ADAM10: variants seen among roughly 807,000 people sequenced by gnomAD.
ADAM10 encodes disintegrin and metalloproteinase domain-containing protein 10.
In ADAM10, 17 loss-of-function variants were observed where a neutral mutation model predicts 90.1. The observed-to-expected ratio is 0.19, with a 90% CI of 0.13 to 0.28. ADAM10 has a LOEUF of 0.28. Ranked by LOEUF, ADAM10 falls within the 10% of genes least tolerant of loss-of-function variation. The pLI is 1.00. For synonymous variants in ADAM10, 310 were observed against 298.6 expected (o/e 1.04, Z -0.40); for missense variants, 610 against 914.3 (o/e 0.67, Z 4.29).
intron 1 of ADAM10, among the ~76,000 whole-genome samples, chr15:58,738,224 AACTACATGTC>A (rs1297100469): frequency 2.0e-5 from 3 of 152,346 alleles, no homozygotes; most frequent in African/African-American, 7.2e-5. Context: ...CTGAGTCATC[AACTACATGTC>A]ATAGGCATCA....
At chr15:58,651,753 C>T (rs769872097) in intron 5 of ADAM10, among the ~76,000 whole-genome samples, 10 of 151,958 alleles carry the variant, frequency 6.6e-5, no homozygotes, top group Non-Finnish European at 1.3e-4. Context: ...TGTATCTCTT[C>T]GGGTAGATGT....
chr15:58,705,829 T>C (rs1898269278), intron 2 of ADAM10, among the ~76,000 whole-genome samples: 3 of 152,224 alleles, frequency 2.0e-5, no homozygotes, highest in Admixed American at 2.0e-4. Flanking sequence ...GACAGTAACA[T>C]ATTTTGAGAG....
At chr15:58,643,833 A>G (rs1896477600) in intron 7 of ADAM10, 53 bp downstream of exon 7, 1 of 1,297,620 alleles carries the variant, frequency 7.7e-7, no homozygotes, top group Middle Eastern at 1.9e-4. Flanking sequence ...GTGTGTAAAC[A>G]TAGTCTGGAC....
intron 1 of ADAM10, among the ~76,000 whole-genome samples, chr15:58,742,672 A>C (rs1441637823): frequency 6.6e-6 from 1 of 152,226 alleles, no homozygotes; most frequent in Non-Finnish European, 1.5e-5. Flanking sequence ...TCCAAGTGGT[A>C]GGGTTATTAT....
intron 1 of ADAM10, among the ~76,000 whole-genome samples, chr15:58,718,500 C>T (rs1170784000): frequency 1.3e-5 from 2 of 152,124 alleles, no homozygotes; most frequent in Non-Finnish European, 2.9e-5. Context: ...AGAAGTATTA[C>T]CTCTTCTTCA....
chr15:58,620,592 T>C (rs1263559067), intron 11 of ADAM10, among the ~76,000 whole-genome samples: 1 of 152,080 alleles, frequency 6.6e-6, no homozygotes, highest in Non-Finnish European at 1.5e-5. Context: ...TAACTAAATA[T>C]TTAAAGTTAA....
At chr15:58,722,250 G>A (rs889706853) in intron 1 of ADAM10, among the ~76,000 whole-genome samples, 1 of 151,984 alleles carries the variant, frequency 6.6e-6, no homozygotes, top group Non-Finnish European at 1.5e-5. Context: ...GCTGAGGCAG[G>A]AGAATCACTT....
chr15:58,732,426 A>C (rs1457949642), intron 1 of ADAM10: 4 of 152,212 alleles, frequency 2.6e-5, no homozygotes, highest in Non-Finnish European at 5.9e-5. Context: ...ATGAGCTTAA[A>C]GCCAGGCATG....
Position 58,599,619 on chromosome 15 carries a change from G to C in ADAM10, c.2131C>G (p.Pro711Ala). 1.2e-6 allele frequency: 2 copies of C among 1,613,336 alleles called. No individual in the cohort carries two copies. The highest frequency in any genetic ancestry group is 1.7e-6 in the Non-Finnish European group (2 of 1,179,638). The change falls in exon 15 of 16, where the codon CCT becomes GCT. Residue 711 changes from proline (P) to alanine (A), a missense_variant. Physicochemically the swap from Pro to Ala is conservative, Grantham distance 27. Coordinates refer to ENST00000260408, the MANE Select transcript of ADAM10 (RefSeq NM_001110.4). ...VHTPSSNPKL[P>A]PPKPLPGTLK... is the part of the protein sequence containing the mutation. ...TTACCTGGAAGTGGTTTAGGAGGAG[G>C]CAACTTTGGATTACTACTTGGAGTA...
chr15:58,659,178 C>T (rs1896908552), intron 5 of ADAM10, among the ~76,000 whole-genome samples: 1 of 151,852 alleles, frequency 6.6e-6, no homozygotes, highest in African/African-American at 2.4e-5. Context: ...GAAGCTGAGG[C>T]AGGAGAATCA....
chr15:58,650,685 C>T (rs1321547371), intron 5 of ADAM10, among the ~76,000 whole-genome samples: 1 of 152,010 alleles, frequency 6.6e-6, no homozygotes, highest in African/African-American at 2.4e-5. Context: ...AAATCTTGGC[C>T]GCGTACTACT....
intron 11 of ADAM10, among the ~76,000 whole-genome samples, chr15:58,614,753 C>G (rs1895553565): frequency 6.6e-6 from 1 of 152,046 alleles, no homozygotes; most frequent in Non-Finnish European, 1.5e-5. Flanking sequence ...ATTCCTGCAC[C>G]TGGAAGCAAA....
At chr15:58,669,631 C>T (rs181028736) in intron 4 of ADAM10, among the ~76,000 whole-genome samples, 6 of 152,178 alleles carry the variant, frequency 3.9e-5, no homozygotes, top group Non-Finnish European at 5.9e-5. Flanking sequence ...TTATTTCATC[C>T]CCTTGCCTCT....
intron 1 of ADAM10, among the ~76,000 whole-genome samples, chr15:58,736,981 A>G (rs528849348): frequency 2.6e-5 from 4 of 152,174 alleles, no homozygotes; most frequent in African/African-American, 7.2e-5. Context: ...ACTAAGTAAT[A>G]CCAAAAAATC....
In ADAM10 at chr15:58,632,892, T is replaced by C. The variant is rs140524207; in HGVS notation, c.1176+304A>G. Among the ~76,000 whole-genome samples the C allele has an allele frequency of 2.0e-3, 301 of 152,310 alleles. 1 individual carries two copies. The highest frequency in any genetic ancestry group is 6.8e-3 in the African/African-American group (281 of 41,588). ...AATAATGATTCTCATTCAAAAGATATTTGAGTACATTATGTACTAGGCATT... is the reference window on the plus strand; with the variant it reads ...AATAATGATTCTCATTCAAAAGATACTTGAGTACATTATGTACTAGGCATT... On this transcript the variant is annotated intron_variant, in intron 9 of 15. Coordinates refer to ENST00000260408, the MANE Select transcript of ADAM10 (RefSeq NM_001110.4).
At chr15:58,717,857 C>G (rs1898716575) in intron 1 of ADAM10, 130 bp from the exon 2 acceptor site, 15 of 1,329,616 alleles carry the variant, frequency 1.1e-5, no homozygotes, top group Non-Finnish European at 1.4e-5. Context: ...ATTATGAATT[C>G]TGCATTAATA....
At chr15:58,698,678 C>T (rs1898048774) in intron 2 of ADAM10, among the ~76,000 whole-genome samples, 1 of 151,178 alleles carries the variant, frequency 6.6e-6, no homozygotes, top group Non-Finnish European at 1.5e-5. Flanking sequence ...ATTTCAAAAG[C>T]TTCATCAATA....
rs539939303 is a variant in ADAM10 at position 58,591,647 on chromosome 15, A to G, written c.*5900T>C. On this transcript the variant is annotated 3_prime_UTR_variant, in exon 16 of 16. Coordinates refer to ENST00000260408, the MANE Select transcript of ADAM10 (RefSeq NM_001110.4). Reference sequence around the variant, plus strand: ...ATAAATCCCCAAGTGCCCATCACCCAGCTTCAATAATTATCAACTCACAGC... The same window carrying G: ...ATAAATCCCCAAGTGCCCATCACCCGGCTTCAATAATTATCAACTCACAGC... 9 of 152,334 alleles carry G rather than the reference A, an allele frequency of 5.9e-5. No individual in the cohort carries two copies. Among genetic ancestry groups the G allele is most frequent in the African/African-American group, 2.2e-4 (9 of 41,576 alleles). 9.4% of individuals were successfully genotyped at this position (152,334 alleles called of 1,614,324 possible).
chr15:58,680,634 AT>A (rs1209425051), intron 3 of ADAM10, among the ~76,000 whole-genome samples: 3 of 152,240 alleles, frequency 2.0e-5, no homozygotes, highest in Non-Finnish European at 4.4e-5. Context: ...ATCAAATGAC[AT>A]AAAGGGTGAA....
Sources: allele counts gnomAD v4.1 joint callset (sites outside exome capture counted in the v4.1 genomes callset), GRCh38; gene constraint gnomAD v4.1.1; transcripts MANE v1.5; gene names NCBI Gene and HGNC (gene_info 2026-07-23, HGNC 2026-07-21).